CYTH1: variants seen among roughly 807,000 people sequenced by gnomAD.
CYTH1 encodes cytohesin-1.
In CYTH1, 18 loss-of-function variants were observed where a neutral mutation model predicts 61.8. The ratio of observed to expected loss-of-function variants is 0.29; its 90% CI spans 0.20 to 0.43. The LOEUF is 0.43. Ranked by LOEUF, CYTH1 falls within the 20% of genes least tolerant of loss-of-function variation. The pLI, the probability that CYTH1 is intolerant of heterozygous loss-of-function variation, is 1.00. For missense variants in CYTH1, 336 were observed against 510.5 expected (o/e 0.66, Z 3.29); for synonymous variants, 174 against 184.3 (o/e 0.94, Z 0.45).
intron 1 of CYTH1, among the ~76,000 whole-genome samples, chr17:78,739,447 G>C (rs1209478909): frequency 6.6e-6 from 1 of 152,210 alleles, no homozygotes; most frequent in Admixed American, 6.5e-5. Context: ...GGAAGTGGAA[G>C]TGCAGTCAGG....
At chr17:78,724,784 A>G (rs994642739) in intron 1 of CYTH1, among the ~76,000 whole-genome samples, 1 of 152,192 alleles carries the variant, frequency 6.6e-6, no homozygotes, top group African/African-American at 2.4e-5. Context: ...CTCCACTGCC[A>G]TGCCATGGGG....
At chr17:78,698,214 C>A in intron 9 of CYTH1, 55 bp downstream of exon 9, 2 of 1,439,170 alleles carry the variant, frequency 1.4e-6, no homozygotes, top group East Asian at 2.3e-5. Flanking sequence ...CGCACACACA[C>A]CGCCTTTCTT....
chr17:78,744,535 G>A (rs189740547), intron 1 of CYTH1, among the ~76,000 whole-genome samples: 487 of 152,296 alleles, frequency 3.2e-3, no homozygotes, highest in Non-Finnish European at 4.8e-3. Context: ...CAGACACCTG[G>A]ACACACTGCA....
At chr17:78,749,171 G>T (rs998730904) in intron 1 of CYTH1, among the ~76,000 whole-genome samples, 1 of 152,178 alleles carries the variant, frequency 6.6e-6, no homozygotes, top group Admixed American at 6.5e-5. Context: ...GGAGGCCAAG[G>T]TGGGAGGATC....
rs543065329 is a variant in CYTH1, at chr17:78,770,546, G to A, written c.22+11656C>T. On this transcript the variant is annotated intron_variant, in intron 1 of 13. Transcript: ENST00000446868. ...CGATTCTCCTTGTTCAGCCTCCCAA[G>A]TAGCTGGGACTACAGGCGTGCGCCA... Among the ~76,000 whole-genome samples, 776 of 151,960 alleles carry A rather than the reference G, an allele frequency of 5.1e-3. 8 individuals are homozygous for A. The highest frequency in any genetic ancestry group is 0.018 in the African/African-American group (733 of 41,452).
chr17:78,775,631 A>G (rs2093488020), intron 1 of CYTH1, among the ~76,000 whole-genome samples: 1 of 152,226 alleles, frequency 6.6e-6, no homozygotes, highest in African/African-American at 2.4e-5. Context: ...TAAAAATTAC[A>G]TCAAAGGCAA....
At chr17:78,678,806 A>C (rs938495038) in intron 13 of CYTH1, among the ~76,000 whole-genome samples, 1 of 152,208 alleles carries the variant, frequency 6.6e-6, no homozygotes, top group African/African-American at 2.4e-5. Context: ...TTAATCCTCA[A>C]AAGAGCCCCA....
chr17:78,680,902 T>C, intron 12 of CYTH1, 69 bp downstream of exon 12: 6 of 1,544,176 alleles, frequency 3.9e-6, no homozygotes, highest in Non-Finnish European at 4.4e-6. Flanking sequence ...GGTTTTGAGT[T>C]TTTTAAAAAA....
At chr17:78,751,126 G>C (rs117781742) in intron 1 of CYTH1, among the ~76,000 whole-genome samples, 1 of 151,966 alleles carries the variant, frequency 6.6e-6, no homozygotes, top group African/African-American at 2.4e-5. Context: ...TGGAACCATG[G>C]GCGCATGGCG....
At chr17:78,707,574 C>T (rs1236715248) in intron 3 of CYTH1, among the ~76,000 whole-genome samples, 2 of 151,914 alleles carry the variant, frequency 1.3e-5, no homozygotes, top group Admixed American at 1.3e-4. Context: ...AAAGGAAAAA[C>T]AGAAACTTTA....
At chr17:78,720,675 GA>G (rs1181522878) in intron 1 of CYTH1, among the ~76,000 whole-genome samples, 1 of 152,086 alleles carries the variant, frequency 6.6e-6, no homozygotes, top group Admixed American at 6.5e-5. Context: ...AGGAGTTTGA[GA>G]CCAGCCTGGG....
chr17:78,726,042 C>CTTT (rs1159169142), intron 1 of CYTH1, among the ~76,000 whole-genome samples: 6 of 130,734 alleles, frequency 4.6e-5, no homozygotes, highest in African/African-American at 8.9e-5. Context: ...ATTCAACAGT[C>CTTT]TTTTTTTTTT....
At chr17:78,702,375 C>A in intron 4 of CYTH1, 135 bp from the exon 5 acceptor site, 1 of 993,282 alleles carries the variant, frequency 1.0e-6, no homozygotes. Flanking sequence ...CCTATAAAGC[C>A]GGGGAGTCAC....
intron 1 of CYTH1, among the ~76,000 whole-genome samples, chr17:78,731,118 A>G (rs1280009478): frequency 6.6e-6 from 1 of 152,118 alleles, no homozygotes; most frequent in Non-Finnish European, 1.5e-5. Context: ...TAGTCAGGAG[A>G]AAAACAAAAA....
chr17:78,691,344 G>A (rs540919913), intron 11 of CYTH1: 1 of 152,330 alleles, frequency 6.6e-6, no homozygotes, highest in Admixed American at 6.5e-5. Flanking sequence ...GGAGAACAAC[G>A]CTAAGTGTTA....
rs1437733556 is a variant in CYTH1 at position 78,782,254 on chromosome 17, C to A, written c.-31G>T. 2.7e-5 allele frequency: 34 copies of A among 1,265,050 alleles called. No individual in the cohort carries two copies. The highest frequency in any genetic ancestry group is 7.9e-5 in the African/African-American group (5 of 63,192). 78.4% of individuals were successfully genotyped at this position (1,265,050 alleles called of 1,614,324 possible). A position where few individuals can be genotyped will look rare whatever the true frequency, so the allele number is the denominator to read the frequency against. ...GGGAGCCGGGCTCCGCGCTCCGGCT[C>A]GCCGCTCGCGTCCCGCCGCGCCACC... is the stretch of plus-strand genomic sequence containing the variant. On this transcript the variant is annotated 5_prime_UTR_variant, in exon 1 of 14. Transcript: ENST00000446868.
At chr17:78,754,805 G>T (rs2093394437) in intron 1 of CYTH1, among the ~76,000 whole-genome samples, 1 of 151,990 alleles carries the variant, frequency 6.6e-6, no homozygotes, top group Non-Finnish European at 1.5e-5. Flanking sequence ...TTATACTTAT[G>T]TTAAATAAAA....
At chr17:78,765,152 A>G (rs915228070) in intron 1 of CYTH1, among the ~76,000 whole-genome samples, 3 of 152,140 alleles carry the variant, frequency 2.0e-5, no homozygotes, top group Non-Finnish European at 1.5e-5. Context: ...TGAGTGCATG[A>G]GCAGAGGGGC....
rs763205883 is a variant in CYTH1, at chr17:78,711,318, C to T, written c.23-1586G>A. 3.3e-3 allele frequency among the ~76,000 whole-genome samples: 462 copies of T among 141,876 alleles called. 1 individual carries two copies. Among genetic ancestry groups the T allele is most frequent in the African/African-American group, 0.013 (426 of 33,432 alleles). The allele number at this position is 141,876 out of a possible 152,430, so 93.1% of individuals were successfully genotyped here. A position where few individuals can be genotyped will look rare whatever the true frequency, so the allele number is the denominator to read the frequency against. The stretch of plus-strand genomic sequence containing the variant: ...TAAATAAATAATATATATATATACA[C>T]ACACACACACACACACACACCAGAC... On this transcript the variant is annotated intron_variant, in intron 1 of 13. Coordinates refer to ENST00000446868, the MANE Select transcript of CYTH1 (RefSeq NM_004762.6).
Sources: gnomAD v4.1 joint callset for allele counts (sites outside exome capture counted in the v4.1 genomes callset) on GRCh38, gnomAD v4.1.1 for gene constraint, MANE v1.5 for transcripts, NCBI Gene and HGNC (gene_info 2026-07-23, HGNC 2026-07-21) for gene names.